The following TJP1 variants were observed in gnomAD, a reference collection of about 807,000 sequenced individuals.
The protein encoded by TJP1 is tight junction protein 1, also known as tight junction protein ZO-1.
A neutral mutation model predicts 194.2 loss-of-function variants in TJP1; 43 were observed. The observed-to-expected ratio is 0.22, with a 90% CI of 0.17 to 0.29. The LOEUF is 0.29. Ranked by LOEUF, TJP1 falls within the 10% of genes least tolerant of loss-of-function variation. TJP1 has a pLI of 1.00. For synonymous variants in TJP1, 801 were observed against 779.0 expected (o/e 1.03, Z -0.47); for missense variants, 1,971 against 2,185.7 (o/e 0.90, Z 1.96).
chr15:29,796,586 T>C (rs2048428035), intron 2 of TJP1, among the ~76,000 whole-genome samples: 1 of 152,140 alleles, frequency 6.6e-6, no homozygotes, highest in South Asian at 2.1e-4. Context: ...ATGTTAATTA[T>C]CCCCAATGAT....
intron 8 of TJP1, among the ~76,000 whole-genome samples, chr15:29,752,109 T>C (rs1340089299): frequency 2.0e-5 from 3 of 147,352 alleles, no homozygotes; most frequent in South Asian, 2.1e-4. Context: ...CACTTTTTTT[T>C]TTTTTTCCCC....
At chr15:29,852,115 T>C (rs765342482) in intron 2 of TJP1, among the ~76,000 whole-genome samples, 23 of 152,212 alleles carry the variant, frequency 1.5e-4, no homozygotes, top group Admixed American at 9.2e-4. Context: ...AAAGGAAATA[T>C]TGATAAACTG....
chr15:29,808,217 G>A (rs45469495), intron 1 of TJP1, among the ~76,000 whole-genome samples: 10,552 of 152,190 alleles, frequency 0.069, 522 homozygotes, highest in Non-Finnish European at 0.11. Context: ...GCAGTGAGCC[G>A]AGATTGCACC....
intron 8 of TJP1, chr15:29,759,473 AGTGT>A (rs1183117442): frequency 2.0e-5 from 3 of 152,184 alleles, no homozygotes; most frequent in Non-Finnish European, 4.4e-5. Context: ...TACTTTTCTT[AGTGT>A]GTGTCAAAAG....
chr15:29,889,505 A>T (rs2053233706), intron 2 of TJP1, among the ~76,000 whole-genome samples: 1 of 152,240 alleles, frequency 6.6e-6, no homozygotes, highest in African/African-American at 2.4e-5. Flanking sequence ...TAAATTGAAA[A>T]GGAAAAGAAA....
intron 1 of TJP1, among the ~76,000 whole-genome samples, chr15:29,801,563 GC>G (rs1270839105): frequency 6.7e-6 from 1 of 149,368 alleles, no homozygotes; most frequent in Non-Finnish European, 1.5e-5. Flanking sequence ...CCGGGTTCAC[GC>G]CATTCTCCTG....
At chr15:29,731,775 T>C (rs1452576805) in intron 15 of TJP1, among the ~76,000 whole-genome samples, 1 of 151,770 alleles carries the variant, frequency 6.6e-6, no homozygotes, top group Non-Finnish European at 1.5e-5. Flanking sequence ...GGAAAGTATC[T>C]TTAATAAAGC....
At chr15:29,891,466 C>G (rs2053306613) in intron 2 of TJP1, among the ~76,000 whole-genome samples, 1 of 152,152 alleles carries the variant, frequency 6.6e-6, no homozygotes, top group Admixed American at 6.5e-5. Flanking sequence ...TTCAGGCAAC[C>G]CTCATCTTAT....
At chr15:29,946,963 A>T (rs2055306392) in intron 2 of TJP1, among the ~76,000 whole-genome samples, 1 of 152,224 alleles carries the variant, frequency 6.6e-6, no homozygotes, top group Non-Finnish European at 1.5e-5. Context: ...CATAAGTCTA[A>T]CTAAAAATGC....
rs373584228 is a variant in TJP1 at position 29,711,037 on chromosome 15, T to C, written c.4203-37A>G. On this transcript the variant is annotated intron_variant, in intron 23 of 27. Coordinates refer to ENST00000614355, the MANE Select transcript of TJP1 (RefSeq NM_001330239.4). ...TGAAGAAAATGCCAACACCTGAAAATGGACTCACATTTACAAAACAAGTTC... is the reference window on the plus strand; with the variant it reads ...TGAAGAAAATGCCAACACCTGAAAACGGACTCACATTTACAAAACAAGTTC... The C allele has an allele frequency of 5.2e-6, 8 of 1,531,798 alleles. No individual in the cohort carries two copies. The South Asian group carries it at 7.8e-5, about 15-fold the overall frequency. The allele number at this position is 1,531,798 out of a possible 1,614,324, so 94.9% of individuals were successfully genotyped here. A position where few individuals can be genotyped will look rare whatever the true frequency, so the allele number is the denominator to read the frequency against.
chr15:29,845,207 T>C, intron 2 of TJP1, among the ~76,000 whole-genome samples: 1 of 152,168 alleles, frequency 6.6e-6, no homozygotes, highest in East Asian at 1.9e-4. Flanking sequence ...CTCTCCTAAA[T>C]CTCACTAAAA....
chr15:29,722,247 C>T (rs2042973882), intron 18 of TJP1, among the ~76,000 whole-genome samples: 1 of 152,192 alleles, frequency 6.6e-6, no homozygotes, highest in Admixed American at 6.5e-5. Context: ...CCCCTCCCAT[C>T]ACAAGCCTGG....
intron 2 of TJP1, among the ~76,000 whole-genome samples, chr15:29,954,790 T>C (rs1226998091): frequency 6.6e-6 from 1 of 152,012 alleles, no homozygotes; most frequent in East Asian, 1.9e-4. Context: ...GTAAAAAAAA[T>C]AGAGTATTGG....
chr15:29,720,467 G>A lies in TJP1; in HGVS notation c.2654C>T (p.Ser885Phe). The change falls in exon 19 of 28, where the codon TCC becomes TTC. Residue 885 changes from serine to phenylalanine, a missense_variant. Physicochemically the swap from Ser to Phe is radical, Grantham distance 155. This residue lies in a region of TJP1 where 1,108 missense variants were observed against 1,128.5 expected (regional missense o/e 0.98). Coordinates refer to ENST00000614355, the MANE Select transcript of TJP1 (RefSeq NM_001330239.4). ...TTGGTTTTCATGATGCATTCCAGAG[G>A]AGTCCTCTCTTACAGGCTCAGAGGA... Reference protein sequence around the residue: ...TRSSEPVREDSSGMHHENQTY... With the variant: ...TRSSEPVREDFSGMHHENQTY... The A allele has an allele frequency of 3.1e-6, 5 of 1,614,136 alleles. No individual in the cohort carries two copies. Among genetic ancestry groups the A allele is most frequent in the Middle Eastern group, 3.3e-4 (2 of 6,062 alleles).
chr15:29,958,268 T>C (rs1439481120), intron 1 of TJP1, among the ~76,000 whole-genome samples: 2 of 151,690 alleles, frequency 1.3e-5, no homozygotes, highest in Non-Finnish European at 2.9e-5. Flanking sequence ...TTTTCAAGTG[T>C]TCGAAGTCTC....
In TJP1 at chr15:29,761,493, G is replaced by T. The variant is rs2046004724; in HGVS notation, c.862+108C>A. On this transcript the variant is annotated intron_variant, in intron 7 of 27. Coordinates refer to ENST00000614355, the MANE Select transcript of TJP1 (RefSeq NM_001330239.4). ...TATATAAAACTTATAGATTTTGAAG[G>T]TGTTTGGCTGGTAGAAAATTATCAT... The T allele has an allele frequency of 1.9e-5, 26 of 1,392,242 alleles. No individual in the cohort carries two copies. In the South Asian group the frequency reaches 3.3e-4, roughly 18 times the overall value. 86.2% of individuals were successfully genotyped at this position (1,392,242 alleles called of 1,614,324 possible).
At chr15:29,774,281 C>T (rs2046874109) in intron 2 of TJP1, among the ~76,000 whole-genome samples, 2 of 152,146 alleles carry the variant, frequency 1.3e-5, no homozygotes, top group South Asian at 4.2e-4. Context: ...CATCACCTTT[C>T]CTCCCATCCC....
intron 2 of TJP1, among the ~76,000 whole-genome samples, chr15:29,791,386 C>A: frequency 7.4e-6 from 1 of 135,364 alleles, no homozygotes; most frequent in African/African-American, 2.7e-5. Flanking sequence ...GCTCTATTTT[C>A]AGTTTTTGAG....
chr15:29,882,506 T>C (rs910859232), intron 2 of TJP1, among the ~76,000 whole-genome samples: 2 of 152,098 alleles, frequency 1.3e-5, no homozygotes, highest in African/African-American at 4.8e-5. Context: ...CTGCAGAAAA[T>C]GGGCCACAAA....
Sources: allele counts gnomAD v4.1 joint callset (sites outside exome capture counted in the v4.1 genomes callset), GRCh38; gene constraint gnomAD v4.1.1; regional missense constraint gnomAD v4.1.1; transcripts MANE v1.5; gene names NCBI Gene and HGNC (gene_info 2026-07-23, HGNC 2026-07-21).